The following ADGRE1 variants were observed in gnomAD, a reference collection of about 807,000 sequenced individuals.
ADGRE1 encodes the protein EGF-like module receptor 1.
In ADGRE1, 82 loss-of-function variants were observed where a neutral mutation model predicts 102.7. The ratio of observed to expected loss-of-function variants is 0.80; its 90% CI spans 0.67 to 0.96. The LOEUF is 0.96. Among genes scored for constraint, ADGRE1 ranks in the 40% least tolerant of loss-of-function variants. The pLI is 0.00. For synonymous variants in ADGRE1, 398 were observed against 399.6 expected, an observed-to-expected ratio of 1.00 and a Z score of 0.05; for missense variants, 1,032 against 1,085.3, an observed-to-expected ratio of 0.95 and a Z score of 0.69.
At chr19:6,902,474 T>A (rs892208232) in intron 6 of ADGRE1, among the ~76,000 whole-genome samples, 2 of 152,194 alleles carry the variant, frequency 1.3e-5, no homozygotes, top group African/African-American at 4.8e-5. Flanking sequence ...GGAGTCTTGC[T>A]CTGTTGCCCA....
chr19:6,890,473 C>G lies in ADGRE1; in HGVS notation c.32-8C>G. ...GGTTCATGGTGTTTTTCTTTTCTTT[C>G]TTCACAGGATGTTGTGTTATGCACA... On this transcript the variant is annotated splice_polypyrimidine_tract_variant and splice_region_variant and intron_variant, in intron 1 of 20. Transcript: ENST00000312053. 6.2e-6 allele frequency: 3 copies of G among 486,186 alleles called. No individual in the cohort carries two copies. The highest frequency in any genetic ancestry group is 5.4e-6 in the Non-Finnish European group (2 of 371,072). 30.1% of individuals were successfully genotyped at this position (486,186 alleles called of 1,614,324 possible). A position where few individuals can be genotyped will look rare whatever the true frequency, so the allele number is the denominator to read the frequency against.
chr19:6,935,153 C>A, intron 18 of ADGRE1, 75 bp downstream of exon 18: 1 of 1,184,180 alleles, frequency 8.4e-7, no homozygotes, highest in African/African-American at 1.5e-5. Context: ...TTGAGCACTT[C>A]TTGTGTGCTG....
chr19:6,893,997 C>G (rs985958378), intron 2 of ADGRE1, among the ~76,000 whole-genome samples: 2 of 152,238 alleles, frequency 1.3e-5, no homozygotes, highest in African/African-American at 4.8e-5. Context: ...CCAGCTCTTT[C>G]TTACATCACA....
At chr19:6,908,664 C>CTTTT (rs34044572) in intron 9 of ADGRE1, 25 bp from the exon 10 acceptor site, 112 of 1,350,258 alleles carry the variant, frequency 8.3e-5, no homozygotes, top group Middle Eastern at 1.9e-4. Flanking sequence ...CACAAATGCT[C>CTTTT]TTTTTTTTTT....
At chr19:6,904,478 C>CA (rs1491246736) in intron 8 of ADGRE1, among the ~76,000 whole-genome samples, 8 of 151,364 alleles carry the variant, frequency 5.3e-5, no homozygotes, top group African/African-American at 1.2e-4. Context: ...CACACACACA[C>CA]CCAATTATTT....
Position 6,921,822 on chromosome 19 carries a change from C to A in ADGRE1, c.1730C>A (p.Thr577Asn), listed in dbSNP as rs1239881305. The change falls in exon 14 of 21, where the codon ACC (threonine) becomes AAC (asparagine). Residue 577 changes from threonine (T) to asparagine (N), a missense_variant. By Grantham distance (65) the Thr-to-Asn change is moderately conservative. Transcript: ENST00000312053. ...CVILEASETYTICSCNQMANL... is the reference protein window; with the variant it reads ...CVILEASETYNICSCNQMANL... ...ATCCTGGAAGCTTCTGAGACATATA[C>A]CATCTGCAGCTGTAATCAGATGGCA... 2 of 1,614,130 alleles carry A rather than the reference C, an allele frequency of 1.2e-6. No individual in the cohort carries two copies. Among genetic ancestry groups the A allele is most frequent in the Admixed American group, 1.7e-5 (1 of 60,020 alleles).
intron 17 of ADGRE1, among the ~76,000 whole-genome samples, chr19:6,933,866 T>C (rs182401342): frequency 5.9e-4 from 90 of 152,238 alleles, no homozygotes; most frequent in African/African-American, 2.0e-3. Flanking sequence ...GAACAGGCCC[T>C]GCGCCAGGTG....
intron 2 of ADGRE1, among the ~76,000 whole-genome samples, chr19:6,891,943 G>C (rs571393020): frequency 6.6e-6 from 1 of 152,068 alleles, no homozygotes; most frequent in Non-Finnish European, 1.5e-5. Flanking sequence ...TTGGAGGACC[G>C]AGCGAAGGTG....
chr19:6,903,699 T>A, intron 6 of ADGRE1, 111 bp from the exon 7 acceptor site: 6 of 1,405,650 alleles, frequency 4.3e-6, no homozygotes, highest in Non-Finnish European at 5.9e-6. Context: ...ATGTAGTCCC[T>A]GGCTGGGACA....
chr19:6,916,897 T>C (rs2144963566), intron 12 of ADGRE1, among the ~76,000 whole-genome samples: 1 of 152,130 alleles, frequency 6.6e-6, no homozygotes, highest in South Asian at 2.1e-4. Flanking sequence ...TTAAAATTAA[T>C]TTTATCTTTT....
chr19:6,894,856 G>A (rs1405739476), intron 2 of ADGRE1: 3 of 152,148 alleles, frequency 2.0e-5, no homozygotes, highest in Admixed American at 6.5e-5. Context: ...TTTGGGAAGG[G>A]GGATCAACAG....
chr19:6,920,498 C>G (rs867228036), intron 13 of ADGRE1, among the ~76,000 whole-genome samples: 181 of 140,690 alleles, frequency 1.3e-3, no homozygotes, highest in Admixed American at 2.5e-3. Context: ...GGATTACAGG[C>G]ATGAACCACC....
rs202045997 is a variant in ADGRE1 at position 6,896,532 on chromosome 19, C to T, written c.229C>T (p.Arg77Ter). 1.7e-5 allele frequency: 27 copies of T among 1,613,866 alleles called. No homozygotes were observed. The highest frequency in any genetic ancestry group is 6.7e-5 in the Admixed American group (4 of 60,006). Residue 77 changes from arginine to a stop codon, truncating the protein, a stop_gained, in exon 3 of 21, where the codon CGA becomes TGA. Transcript: ENST00000312053. LOFTEE classifies it high-confidence loss of function. ...GQNHFKDPGV[R>*]CKDIDECSQS... ...AAATCACTTCAAGGATCCAGGAGTG[C>T]GATGCAAAGGTGAGTTCATGTCCCC...
At chr19:6,917,336 G>A (rs1195967602) in intron 12 of ADGRE1, among the ~76,000 whole-genome samples, 3 of 152,162 alleles carry the variant, frequency 2.0e-5, no homozygotes, top group Non-Finnish European at 2.9e-5. Flanking sequence ...GAGAGAGTGT[G>A]TTACAGGAAG....
At chr19:6,888,304 T>C (rs1171159361) in intron 1 of ADGRE1, among the ~76,000 whole-genome samples, 1 of 152,174 alleles carries the variant, frequency 6.6e-6, no homozygotes, top group Non-Finnish European at 1.5e-5. Flanking sequence ...GGGAGTTATG[T>C]TGAAGGGAGA....
chr19:6,929,572 G>C (rs746717368), intron 17 of ADGRE1, among the ~76,000 whole-genome samples: 2 of 151,714 alleles, frequency 1.3e-5, no homozygotes, highest in African/African-American at 2.4e-5. Context: ...ACCCACGCTG[G>C]AGTGCAGTGG....
chr19:6,940,018 T>A lies in ADGRE1; in HGVS notation c.2656-6T>A. 1 of 1,613,988 alleles carries A rather than the reference T, an allele frequency of 6.2e-7. No individual in the cohort carries two copies. The highest frequency in any genetic ancestry group is 8.5e-7 in the Non-Finnish European group (1 of 1,179,968). On this transcript the variant is annotated splice_region_variant and splice_polypyrimidine_tract_variant and intron_variant, in intron 20 of 20. Coordinates refer to ENST00000312053, the MANE Select transcript of ADGRE1 (RefSeq NM_001974.5). ...GACTCTGAGGAAATTCTTTTCTCTCTCACAGGGTTAAAGTCCTTTCTTGCT... is the reference window on the plus strand; with the variant it reads ...GACTCTGAGGAAATTCTTTTCTCTCACACAGGGTTAAAGTCCTTTCTTGCT...
chr19:6,926,585 T>A lies in ADGRE1; in HGVS notation c.2206T>A (p.Tyr736Asn), dbSNP rs1281479551. The A allele has an allele frequency of 6.2e-7, 1 of 1,614,226 alleles. No individual in the cohort carries two copies. The highest frequency in any genetic ancestry group is 1.7e-5 in the Admixed American group (1 of 60,030). ...CTCTGCCAGTGTGCAGCCACAGGGC[T>A]ATGGAATGCATAATCGGTGAGTGAC... ...VISASVQPQG[Y>N]GMHNRCWLNT... Residue 736 changes from tyrosine to asparagine, a missense_variant, in exon 16 of 21, where the codon TAT (tyrosine) becomes AAT (asparagine). Physicochemically the swap from Tyr to Asn is moderately radical, Grantham distance 143. Coordinates refer to ENST00000312053, the MANE Select transcript of ADGRE1 (RefSeq NM_001974.5).
rs1975450320 is a variant in ADGRE1, at chr19:6,937,242, G to C, written c.2382-1G>C. The C allele has an allele frequency of 1.9e-6, 3 of 1,612,964 alleles. No individual in the cohort carries two copies. In the Admixed American group the frequency reaches 5.0e-5, roughly 27 times the overall value. On this transcript the variant is annotated splice_acceptor_variant, in intron 18 of 20. Transcript: ENST00000312053. LOFTEE classifies it high-confidence loss of function. ...TTACATGCTGTACATCTTCTCCCCA[G>C]GTTACTGACCTTCAAGGCCTTTGCC... is the stretch of plus-strand genomic sequence containing the variant.
Sources: allele counts gnomAD v4.1 joint callset (sites outside exome capture counted in the v4.1 genomes callset), GRCh38; gene constraint gnomAD v4.1.1; transcripts MANE v1.5; gene names NCBI Gene and HGNC (gene_info 2026-07-23, HGNC 2026-07-21).